The following GCSAML variants were observed in gnomAD, a reference collection of about 807,000 sequenced individuals.
GCSAML encodes the protein germinal center-associated signaling and motility-like protein.
A neutral mutation model predicts 13.0 loss-of-function variants in GCSAML; 9 were observed. The observed-to-expected ratio is 0.69, with a 90% CI of 0.42 to 1.21. GCSAML has a LOEUF of 1.21. GCSAML is among the 50% of genes most tolerant of loss of function. The probability of loss-of-function intolerance (pLI) is 0.00; values close to 1 mark genes in which losing one functional copy is unlikely to be tolerated. For synonymous variants in GCSAML, 37 were observed against 52.9 expected, an observed-to-expected ratio of 0.70 and a Z score of 1.31; for missense variants, 143 against 153.4, an observed-to-expected ratio of 0.93 and a Z score of 0.36.
chr1:247,543,071 A>G (rs976126991), intron 2 of GCSAML, among the ~76,000 whole-genome samples: 1 of 152,236 alleles, frequency 6.6e-6, no homozygotes, highest in Non-Finnish European at 1.5e-5. Context: ...AGGGAGCACC[A>G]AGCTGGCCTT....
At position 247,574,506 on chromosome 1, in the gene GCSAML, A is replaced by T; in HGVS notation, c.*124A>T. 9.4e-7 allele frequency: 1 copy of T among 1,059,692 alleles called. No homozygotes were observed. Among genetic ancestry groups the T allele is most frequent in the Non-Finnish European group, 1.4e-6 (1 of 738,272 alleles). 65.6% of individuals were successfully genotyped at this position (1,059,692 alleles called of 1,614,324 possible). On this transcript the variant is annotated 3_prime_UTR_variant, in exon 5 of 5. Coordinates refer to ENST00000366488, the MANE Select transcript of GCSAML (RefSeq NM_145278.5). Reference sequence around the variant, plus strand: ...TTTCTGGCTAAAGTTTAGAAATATTATCTTATTATATATCCTTAGGCAACT... The same window carrying T: ...TTTCTGGCTAAAGTTTAGAAATATTTTCTTATTATATATCCTTAGGCAACT...
chr1:247,538,581 T>C, intron 2 of GCSAML: 1 of 349,588 alleles, frequency 2.9e-6, no homozygotes, highest in South Asian at 2.2e-5. Flanking sequence ...GGCAGCCTAA[T>C]GTCATAAGAT....
At chr1:247,547,978 GATAA>G (rs1353487803), upstream of GCSAML, among the ~76,000 whole-genome samples, 5 of 152,022 alleles carry the variant, frequency 3.3e-5, no homozygotes, top group African/African-American at 1.2e-4. Context: ...GTTTATAATC[GATAA>G]ATAAACAATA....
chr1:247,530,565 T>C (rs1666890513), intron 2 of GCSAML: 1 of 148,904 alleles, frequency 6.7e-6, no homozygotes, highest in Non-Finnish European at 1.5e-5. Flanking sequence ...CAAAAAGTTA[T>C]TTACAAAATG....
At chr1:247,572,968 T>G (rs1409022807) in intron 4 of GCSAML, among the ~76,000 whole-genome samples, 1 of 152,194 alleles carries the variant, frequency 6.6e-6, no homozygotes, top group Non-Finnish European at 1.5e-5. Context: ...TTGTTTACAC[T>G]GTGAGGGGAA....
intron 2 of GCSAML, among the ~76,000 whole-genome samples, chr1:247,542,543 C>T (rs1223321431): frequency 6.6e-6 from 1 of 152,146 alleles, no homozygotes; most frequent in Non-Finnish European, 1.5e-5. Flanking sequence ...GAGCGAATTG[C>T]TCTCTAGGTT....
At chr1:247,516,608 G>C (rs994877240) in intron 1 of GCSAML, among the ~76,000 whole-genome samples, 4 of 147,994 alleles carry the variant, frequency 2.7e-5, no homozygotes, top group African/African-American at 5.0e-5. Context: ...TATATGGCTG[G>C]TGATCAGACA....
chr1:247,534,804 T>G (rs1419158196), intron 2 of GCSAML, among the ~76,000 whole-genome samples: 11 of 152,190 alleles, frequency 7.2e-5, no homozygotes, highest in Non-Finnish European at 4.4e-5. Context: ...GCATTCAGTT[T>G]TAAAAATACA....
chr1:247,511,839 C>A (rs1666048895), intron 1 of GCSAML, among the ~76,000 whole-genome samples: 1 of 152,212 alleles, frequency 6.6e-6, no homozygotes. Flanking sequence ...TTGGCCCCCA[C>A]TCTCTTCTGA....
intron 4 of GCSAML, among the ~76,000 whole-genome samples, chr1:247,572,662 T>A (rs1668662327): frequency 6.6e-6 from 1 of 152,218 alleles, no homozygotes; most frequent in Admixed American, 6.5e-5. Flanking sequence ...AGGTGTTTCC[T>A]TGTCAGGAGG....
chr1:247,507,544 G>GT lies in GCSAML; in HGVS notation c.-263+312dup, dbSNP rs1333922470. Among the ~76,000 whole-genome samples, 7 of 152,136 alleles carry GT rather than the reference G, an allele frequency of 4.6e-5. No homozygotes were observed. The South Asian group carries it at 1.5e-3, about 32-fold the overall frequency. On this transcript the variant is annotated intron_variant, in intron 1 of 5. Transcript: ENST00000366489. The stretch of plus-strand genomic sequence containing the variant: ...AAATTTTATTTGCTTTTATTATACT[G>GT]TAAGTTCTGGGATACACGTGCAGAA...
At chr1:247,510,379 A>C (rs1271426555) in intron 1 of GCSAML, among the ~76,000 whole-genome samples, 1 of 151,612 alleles carries the variant, frequency 6.6e-6, no homozygotes, top group Non-Finnish European at 1.5e-5. Context: ...TATTGTGTCT[A>C]TTTGATTTTT....
At chr1:247,567,857 A>G (rs1418581149) in intron 4 of GCSAML, among the ~76,000 whole-genome samples, 4 of 152,146 alleles carry the variant, frequency 2.6e-5, no homozygotes, top group Non-Finnish European at 5.9e-5. Context: ...CTGATTTTTA[A>G]TGATCACCAT....
At chr1:247,557,768 T>C (rs1448543418) in intron 2 of GCSAML, among the ~76,000 whole-genome samples, 1 of 152,198 alleles carries the variant, frequency 6.6e-6, no homozygotes, top group African/African-American at 2.4e-5. Context: ...ACTCCCCTTA[T>C]GGTTTGTAGC....
intron 4 of GCSAML, among the ~76,000 whole-genome samples, chr1:247,571,632 A>G (rs1668616399): frequency 6.6e-6 from 1 of 151,816 alleles, no homozygotes; most frequent in African/African-American, 2.4e-5. Flanking sequence ...TGTCCTTAAC[A>G]TTTTTTCCTT....
chr1:247,520,526 TCACACACA>T (rs10597982), intron 1 of GCSAML, among the ~76,000 whole-genome samples: 4 of 150,302 alleles, frequency 2.7e-5, no homozygotes, highest in Non-Finnish European at 5.9e-5. Flanking sequence ...CCCCACCTCT[TCACACACA>T]CACACACACA....
At chr1:247,546,412 G>A (rs904988370), upstream of GCSAML, among the ~76,000 whole-genome samples, 14 of 152,088 alleles carry the variant, frequency 9.2e-5, no homozygotes, top group Admixed American at 3.9e-4. Context: ...AGGCTGGAGT[G>A]CAGTGGCGCG....
Position 247,576,510 on chromosome 1 carries a change from A to C in GCSAML, c.*2128A>C, listed in dbSNP as rs1311334983. 6.6e-6 allele frequency: 1 copy of C among 152,270 alleles called. No individual in the cohort carries two copies. Among genetic ancestry groups the C allele is most frequent in the East Asian group, 1.9e-4 (1 of 5,198 alleles). 9.4% of individuals were successfully genotyped at this position (152,270 alleles called of 1,614,324 possible). ...AACTGAGCCAGGATCTTGCCACCAC[A>C]TTCCAGCTTGGGCAACAGAGTGAGA... is the stretch of plus-strand genomic sequence containing the variant. On this transcript the variant is annotated 3_prime_UTR_variant, in exon 5 of 5. Coordinates refer to ENST00000366488, the MANE Select transcript of GCSAML (RefSeq NM_145278.5).
intron 2 of GCSAML, chr1:247,533,693 A>G (rs541312399): frequency 6.6e-4 from 101 of 152,296 alleles, no homozygotes; most frequent in African/African-American, 2.3e-3. Flanking sequence ...GGCTGTCCAT[A>G]TGGCTTTGAA....
Sources: gnomAD v4.1 joint callset for allele counts (sites outside exome capture counted in the v4.1 genomes callset) on GRCh38, gnomAD v4.1.1 for gene constraint, MANE v1.5 for transcripts, NCBI Gene and HGNC (gene_info 2026-07-23, HGNC 2026-07-21) for gene names.